NALF1: variants seen among roughly 807,000 people sequenced by gnomAD.
NALF1 encodes NALCN channel auxiliary factor 1, also known as family with sequence similarity 155 member A.
Under a neutral mutation model 48.4 loss-of-function variants are expected in NALF1, and 3 were observed. The ratio of observed to expected loss-of-function variants is 0.06; its 90% CI spans 0.03 to 0.16. NALF1 has a LOEUF of 0.16. NALF1 is among the 10% of genes least tolerant of loss of function. The pLI is 1.00. For missense variants in NALF1, 526 were observed against 571.5 expected (o/e 0.92, Z 0.81); for synonymous variants, 262 against 245.7 (o/e 1.07, Z -0.62).
At position 107,810,753 on chromosome 13, in the gene NALF1, C is replaced by T. The variant is rs575724255; in HGVS notation, c.915+54929G>A. ...TCAGTCACAAACTCCTGTCAATATG[C>T]AGTTCAAAGTCTGTCCCATCCTGTT... On this transcript the variant is annotated intron_variant, in intron 1 of 2. Coordinates refer to ENST00000375915, the MANE Select transcript of NALF1 (RefSeq NM_001080396.3). 1.7e-3 allele frequency among the ~76,000 whole-genome samples: 262 copies of T among 152,160 alleles called. 2 individuals carry two copies. Among genetic ancestry groups the T allele is most frequent in the Middle Eastern group, 3.4e-3 (1 of 294 alleles).
chr13:107,282,939 C>A (rs12428556), intron 1 of NALF1, among the ~76,000 whole-genome samples: 7,111 of 152,260 alleles, frequency 0.047, 228 homozygotes, highest in Admixed American at 0.098. Context: ...CTAGATAATT[C>A]TTCCATTAAA....
chr13:107,608,809 C>T (rs552895175), intron 1 of NALF1, among the ~76,000 whole-genome samples: 11 of 152,180 alleles, frequency 7.2e-5, no homozygotes, highest in Non-Finnish European at 1.3e-4. Flanking sequence ...TCCTTTGAAG[C>T]AGGATCAGAC....
chr13:107,749,699 CA>C (rs1876878810), intron 1 of NALF1, among the ~76,000 whole-genome samples: 1 of 152,094 alleles, frequency 6.6e-6, no homozygotes, highest in African/African-American at 2.4e-5. Context: ...CGATCTTAAT[CA>C]GACACTAAAG....
chr13:107,582,785 A>T (rs1212023736), intron 1 of NALF1, among the ~76,000 whole-genome samples: 1 of 152,128 alleles, frequency 6.6e-6, no homozygotes, highest in Non-Finnish European at 1.5e-5. Context: ...GTTCATTATG[A>T]CTCCCTTAAA....
intron 1 of NALF1, among the ~76,000 whole-genome samples, chr13:107,846,627 T>C (rs955034735): frequency 2.6e-5 from 4 of 152,180 alleles, no homozygotes; most frequent in African/African-American, 9.7e-5. Flanking sequence ...AAAAGATGCA[T>C]CTCCTAGAAG....
chr13:107,799,535 T>C (rs529715822), intron 1 of NALF1, among the ~76,000 whole-genome samples: 1 of 152,326 alleles, frequency 6.6e-6, no homozygotes, highest in East Asian at 1.9e-4. Context: ...ACCACCATCA[T>C]TGCTTAGAAA....
chr13:107,232,805 G>A (rs375376451), intron 1 of NALF1, among the ~76,000 whole-genome samples: 2 of 151,848 alleles, frequency 1.3e-5, no homozygotes, highest in South Asian at 2.1e-4. Flanking sequence ...AATTTTTTTC[G>A]AGCACTCACT....
At chr13:107,346,469 T>C (rs1390918934) in intron 1 of NALF1, among the ~76,000 whole-genome samples, 1 of 152,222 alleles carries the variant, frequency 6.6e-6, no homozygotes, top group Non-Finnish European at 1.5e-5. Context: ...TGTCATGTTC[T>C]ACAACATGGA....
chr13:107,268,166 T>A (rs1439946848), intron 1 of NALF1, among the ~76,000 whole-genome samples: 1 of 151,960 alleles, frequency 6.6e-6, no homozygotes, highest in African/African-American at 2.4e-5. Context: ...ATTTTTGTAT[T>A]TTTAGTAGAG....
chr13:107,437,050 G>A (rs770183932), intron 1 of NALF1, among the ~76,000 whole-genome samples: 2 of 151,000 alleles, frequency 1.3e-5, no homozygotes, highest in African/African-American at 4.9e-5. Context: ...TCATATAAAC[G>A]TAAGCAACCC....
intron 1 of NALF1, among the ~76,000 whole-genome samples, chr13:107,338,788 T>G (rs1882610628): frequency 6.6e-6 from 1 of 152,124 alleles, no homozygotes; most frequent in African/African-American, 2.4e-5. Flanking sequence ...GTTGGACCTG[T>G]TTGCCCCGCG....
intron 2 of NALF1, among the ~76,000 whole-genome samples, chr13:107,207,762 C>T (rs1268584984): frequency 6.6e-6 from 1 of 152,260 alleles, no homozygotes; most frequent in African/African-American, 2.4e-5. Context: ...AATCCTGTCT[C>T]TGCCTTCCAA....
intron 1 of NALF1, among the ~76,000 whole-genome samples, chr13:107,494,779 C>T (rs188890407): frequency 7.2e-5 from 11 of 152,244 alleles, no homozygotes; most frequent in Admixed American, 2.0e-4. Flanking sequence ...AAAGTCTAAA[C>T]GACTGTGTGA....
At chr13:107,810,032 C>T (rs944957212) in intron 1 of NALF1, among the ~76,000 whole-genome samples, 1 of 152,050 alleles carries the variant, frequency 6.6e-6, no homozygotes, top group Non-Finnish European at 1.5e-5. Flanking sequence ...CCTAGGACCG[C>T]ATCATACTAC....
chr13:107,620,283 G>T (rs1879485755), intron 1 of NALF1, among the ~76,000 whole-genome samples: 1 of 152,124 alleles, frequency 6.6e-6, no homozygotes, highest in African/African-American at 2.4e-5. Context: ...AATACCCCTG[G>T]TACTTAAAGC....
intron 1 of NALF1, among the ~76,000 whole-genome samples, chr13:107,512,999 A>G (rs530859027): frequency 5.5e-4 from 83 of 152,142 alleles, no homozygotes; most frequent in Non-Finnish European, 1.0e-3. Flanking sequence ...TCTTTTGGCC[A>G]CCTATTACAA....
At chr13:107,328,821 A>G (rs1782575037) in intron 1 of NALF1, among the ~76,000 whole-genome samples, 1 of 152,254 alleles carries the variant, frequency 6.6e-6, no homozygotes, top group Non-Finnish European at 1.5e-5. Flanking sequence ...GTGGTGGCCA[A>G]CGCTATCAAA....
intron 1 of NALF1, among the ~76,000 whole-genome samples, chr13:107,527,664 T>C (rs915865359): frequency 2.0e-5 from 3 of 152,074 alleles, no homozygotes; most frequent in African/African-American, 4.8e-5. Flanking sequence ...CGGTGGGAGA[T>C]AATTGAATCA....
chr13:107,350,290 T>C (rs1399564142), intron 1 of NALF1, among the ~76,000 whole-genome samples: 1 of 150,480 alleles, frequency 6.6e-6, no homozygotes, highest in Non-Finnish European at 1.5e-5. Flanking sequence ...AATTGTGTAA[T>C]AATATTTTAA....
Sources: gnomAD v4.1 joint callset for allele counts (sites outside exome capture counted in the v4.1 genomes callset) on GRCh38, gnomAD v4.1.1 for gene constraint, MANE v1.5 for transcripts, NCBI Gene and HGNC (gene_info 2026-07-23, HGNC 2026-07-21) for gene names.